The following NXPE2 variants were observed in gnomAD, a reference collection of about 807,000 sequenced individuals.
NXPE2 encodes NXPE family member 2.
A neutral mutation model predicts 34.4 loss-of-function variants in NXPE2; 34 were observed. The observed-to-expected ratio is 0.99, with a 90% CI of 0.75 to 1.31. The LOEUF is 1.31. Ranked by LOEUF, NXPE2 falls within the 40% of genes most tolerant of loss-of-function variation. The pLI is 0.00. For synonymous variants in NXPE2, 235 were observed against 231.3 expected, an observed-to-expected ratio of 1.02 and a Z score of -0.15; for missense variants, 649 against 672.5, an observed-to-expected ratio of 0.97 and a Z score of 0.39.
At chr11:114,597,967 C>T in the NXPE2 span, among the ~76,000 whole-genome samples, 1 of 152,136 alleles carries the variant, frequency 6.6e-6, no homozygotes. Context: ...ACTCAAAAGT[C>T]TGAAGTCCAA....
At chr11:114,671,458 A>G in the NXPE2 span, among the ~76,000 whole-genome samples, 1 of 152,018 alleles carries the variant, frequency 6.6e-6, no homozygotes. Flanking sequence ...TACAAGTACA[A>G]TAGTGTAAGG....
At chr11:114,557,275 C>T in the NXPE2 span, among the ~76,000 whole-genome samples, 6 of 152,184 alleles carry the variant, frequency 3.9e-5, no homozygotes, top group African/African-American at 1.4e-4. Flanking sequence ...ATAAAAACTA[C>T]TTTAATAATT....
chr11:114,630,849 AAAAAG>A, the NXPE2 span, among the ~76,000 whole-genome samples: 45 of 152,004 alleles, frequency 3.0e-4, no homozygotes, highest in African/African-American at 1.1e-3. Flanking sequence ...CAACCCCATC[AAAAAG>A]TGGGCAAAGG....
the NXPE2 span, among the ~76,000 whole-genome samples, chr11:114,752,673 T>C: frequency 1.2e-4 from 18 of 152,048 alleles, no homozygotes; most frequent in African/African-American, 4.3e-4. Flanking sequence ...GACTGAGGTT[T>C]GGGGCTAGAA....
At chr11:114,624,905 A>G in the NXPE2 span, among the ~76,000 whole-genome samples, 2 of 151,478 alleles carry the variant, frequency 1.3e-5, no homozygotes, top group Non-Finnish European at 1.5e-5. Context: ...GTGTGGCCTC[A>G]TGGGTAACCA....
the NXPE2 span, among the ~76,000 whole-genome samples, chr11:114,592,252 A>G: frequency 6.6e-6 from 1 of 152,200 alleles, no homozygotes; most frequent in Admixed American, 6.6e-5. Context: ...TGCAGACCAC[A>G]TAAACTTATA....
the NXPE2 span, among the ~76,000 whole-genome samples, chr11:114,465,603 A>C: frequency 1.4e-3 from 210 of 152,270 alleles, 2 homozygotes; most frequent in African/African-American, 4.8e-3. Context: ...CCTTCACACT[A>C]AAAATGTGTT....
the NXPE2 span, among the ~76,000 whole-genome samples, chr11:114,482,840 G>A: frequency 6.6e-6 from 1 of 152,184 alleles, no homozygotes; most frequent in Non-Finnish European, 1.5e-5. Flanking sequence ...AGGTGTGGTT[G>A]CCTTGAGAGA....
chr11:114,646,810 A>T, the NXPE2 span, among the ~76,000 whole-genome samples: 1 of 152,206 alleles, frequency 6.6e-6, no homozygotes, highest in Non-Finnish European at 1.5e-5. Flanking sequence ...TAGGCTTAAG[A>T]CTATGGTTAC....
the NXPE2 span, among the ~76,000 whole-genome samples, chr11:114,769,555 C>A: frequency 6.6e-6 from 1 of 152,152 alleles, no homozygotes; most frequent in Non-Finnish European, 1.5e-5. Context: ...AGTCTTGGAA[C>A]CAACCCAAAT....
chr11:114,782,743 C>G, the NXPE2 span, among the ~76,000 whole-genome samples: 1 of 152,128 alleles, frequency 6.6e-6, no homozygotes, highest in African/African-American at 2.4e-5. Flanking sequence ...TTCATCAGGA[C>G]GAGGTATGGT....
chr11:114,604,588 A>G, the NXPE2 span, among the ~76,000 whole-genome samples: 4 of 148,796 alleles, frequency 2.7e-5, no homozygotes, highest in African/African-American at 9.9e-5. Flanking sequence ...ATATTTCCTC[A>G]TGGGTAACCA....
the NXPE2 span, chr11:114,523,088 C>A: frequency 1.2e-6 from 2 of 1,610,228 alleles, no homozygotes; most frequent in African/African-American, 2.7e-5. Flanking sequence ...TATTTTTTCT[C>A]TCTCTGGTAA....
At chr11:114,800,296 T>C in the NXPE2 span, among the ~76,000 whole-genome samples, 1 of 152,240 alleles carries the variant, frequency 6.6e-6, no homozygotes, top group Admixed American at 6.5e-5. Context: ...ATGCACATGA[T>C]ATAATTTTTC....
At chr11:114,650,339 C>A in the NXPE2 span, among the ~76,000 whole-genome samples, 1 of 152,174 alleles carries the variant, frequency 6.6e-6, no homozygotes. Context: ...TAGCTGGGAT[C>A]ACCAGAAAAG....
the NXPE2 span, among the ~76,000 whole-genome samples, chr11:114,758,623 C>G: frequency 6.6e-6 from 1 of 152,116 alleles, no homozygotes. Flanking sequence ...CTTTGGAGAT[C>G]TGGGCTAGAA....
chr11:114,744,451 T>C, the NXPE2 span, among the ~76,000 whole-genome samples: 1 of 152,246 alleles, frequency 6.6e-6, no homozygotes, highest in South Asian at 2.1e-4. Flanking sequence ...GTTGATACTT[T>C]TAAAAAATAA....
chr11:114,695,074 T>A (rs1591437247), intron 2 of NXPE2, among the ~76,000 whole-genome samples: 1 of 152,166 alleles, frequency 6.6e-6, no homozygotes, highest in East Asian at 1.9e-4. Flanking sequence ...TGAGCTTTTA[T>A]ATTTATATGT....
the NXPE2 span, among the ~76,000 whole-genome samples, chr11:114,542,410 T>G: frequency 6.6e-6 from 1 of 152,112 alleles, no homozygotes; most frequent in Non-Finnish European, 1.5e-5. Flanking sequence ...ACAACCAACA[T>G]AATTGAAAAG....
Sources: gnomAD v4.1 joint callset for allele counts (sites outside exome capture counted in the v4.1 genomes callset) on GRCh38, gnomAD v4.1.1 for gene constraint, MANE v1.5 for transcripts, NCBI Gene and HGNC (gene_info 2026-07-23, HGNC 2026-07-21) for gene names.